The following FTCDNL1 variants were observed in gnomAD, a reference collection of about 807,000 sequenced individuals.
FTCDNL1 encodes formiminotransferase N-terminal subdomain-containing protein.
A neutral mutation model predicts 5.9 loss-of-function variants in FTCDNL1; 11 were observed. That is an observed-to-expected ratio of 1.87 (90% CI 1.18 to 3.10). The LOEUF (loss-of-function observed/expected upper bound fraction) is 3.10, where lower values mean the gene tolerates loss of function less well. Among genes scored for constraint, FTCDNL1 ranks in the 30% most tolerant of loss-of-function variants. The pLI, the probability that FTCDNL1 is intolerant of heterozygous loss-of-function variation, is 0.00. For missense variants in FTCDNL1, 115 were observed against 65.5 expected (o/e 1.76, Z -2.61); for synonymous variants, 58 against 24.8 (o/e 2.34, Z -3.99).
At chr2:199,776,405 C>G (rs984210541) in intron 3 of FTCDNL1, among the ~76,000 whole-genome samples, 1 of 152,224 alleles carries the variant, frequency 6.6e-6, no homozygotes, top group African/African-American at 2.4e-5. Context: ...TACTTTAATG[C>G]ACTCGTGTTG....
chr2:199,747,333 G>A, the FTCDNL1 span, among the ~76,000 whole-genome samples: 4 of 152,066 alleles, frequency 2.6e-5, no homozygotes, highest in African/African-American at 7.2e-5. Flanking sequence ...ATGGATATAC[G>A]TCTATTGCAT....
chr2:199,685,155 A>T, the FTCDNL1 span, among the ~76,000 whole-genome samples: 1 of 151,974 alleles, frequency 6.6e-6, no homozygotes, highest in Admixed American at 6.6e-5. Flanking sequence ...AACATAGAAA[A>T]CCTTTTATTC....
At chr2:199,752,987 G>C in the FTCDNL1 span, among the ~76,000 whole-genome samples, 1 of 152,108 alleles carries the variant, frequency 6.6e-6, no homozygotes, top group African/African-American at 2.4e-5. Context: ...TTGACGATAA[G>C]TGCCACAAGT....
At chr2:199,739,913 A>C in the FTCDNL1 span, among the ~76,000 whole-genome samples, 1 of 152,118 alleles carries the variant, frequency 6.6e-6, no homozygotes, top group Non-Finnish European at 1.5e-5. Flanking sequence ...TGGGCTCTGG[A>C]GGGCCTAGGA....
At chr2:199,784,765 C>T (rs752094292) in intron 3 of FTCDNL1, among the ~76,000 whole-genome samples, 4 of 152,110 alleles carry the variant, frequency 2.6e-5, no homozygotes, top group Non-Finnish European at 5.9e-5. Flanking sequence ...GGCGACTCTC[C>T]GGCTGGGGAC....
chr2:199,751,720 C>A, the FTCDNL1 span, among the ~76,000 whole-genome samples: 7 of 148,976 alleles, frequency 4.7e-5, no homozygotes, highest in African/African-American at 1.7e-4. Flanking sequence ...CTGTTCCTGC[C>A]AGTTTAAGCA....
At chr2:199,796,549 A>G (rs1700179708) in intron 3 of FTCDNL1, among the ~76,000 whole-genome samples, 1 of 152,210 alleles carries the variant, frequency 6.6e-6, no homozygotes, top group Non-Finnish European at 1.5e-5. Context: ...TGTTGAGTGC[A>G]CTTGGTTTTA....
intron 3 of FTCDNL1, among the ~76,000 whole-genome samples, chr2:199,782,566 C>T (rs565597806): frequency 3.3e-5 from 5 of 152,158 alleles, no homozygotes; most frequent in Middle Eastern, 3.2e-3. Flanking sequence ...TACTAACTGG[C>T]AGTTATGTCC....
the FTCDNL1 span, among the ~76,000 whole-genome samples, chr2:199,755,489 T>C: frequency 5.6e-4 from 86 of 152,348 alleles, no homozygotes; most frequent in African/African-American, 2.0e-3. Context: ...ATTTATGTGA[T>C]CTTGGGCAAG....
chr2:199,680,321 T>C, the FTCDNL1 span, among the ~76,000 whole-genome samples: 9 of 152,204 alleles, frequency 5.9e-5, no homozygotes, highest in East Asian at 7.7e-4. Context: ...ATAGAAGAAA[T>C]GATAACAATT....
At chr2:199,848,777 G>C in intron 2 of FTCDNL1, 71 bp downstream of exon 2, 1 of 686,260 alleles carries the variant, frequency 1.5e-6, no homozygotes. Context: ...TAGATACAGT[G>C]TGCACAGTAC....
the FTCDNL1 span, among the ~76,000 whole-genome samples, chr2:199,728,805 C>G: frequency 6.6e-6 from 1 of 152,168 alleles, no homozygotes; most frequent in Admixed American, 6.5e-5. Context: ...ATATTTGAGC[C>G]TAAATCAAAG....
intron 3 of FTCDNL1, among the ~76,000 whole-genome samples, chr2:199,761,154 C>T (rs1050045802): frequency 6.6e-6 from 1 of 152,192 alleles, no homozygotes; most frequent in Non-Finnish European, 1.5e-5. Context: ...GAGTAAGAAG[C>T]CTGCAGGTAT....
At chr2:199,718,686 C>T in the FTCDNL1 span, among the ~76,000 whole-genome samples, 2 of 152,230 alleles carry the variant, frequency 1.3e-5, no homozygotes, top group Non-Finnish European at 1.5e-5. Flanking sequence ...TAAGCATTCC[C>T]TTTACTCTGC....
the FTCDNL1 span, among the ~76,000 whole-genome samples, chr2:199,670,738 G>T: frequency 6.6e-6 from 1 of 152,072 alleles, no homozygotes; most frequent in Non-Finnish European, 1.5e-5. Flanking sequence ...CAGGCAAAGG[G>T]CACAGTTGAA....
chr2:199,709,079 C>T, the FTCDNL1 span, among the ~76,000 whole-genome samples: 17 of 152,118 alleles, frequency 1.1e-4, no homozygotes, highest in South Asian at 8.3e-4. Flanking sequence ...TTTGGAATCC[C>T]GATACTATAC....
chr2:199,754,749 T>G, the FTCDNL1 span, among the ~76,000 whole-genome samples: 6,430 of 152,248 alleles, frequency 0.042, 448 homozygotes, highest in African/African-American at 0.15. Flanking sequence ...CGGAACCTCA[T>G]GACTGCGCCT....
At chr2:199,768,078 G>A (rs542708397) in intron 3 of FTCDNL1, among the ~76,000 whole-genome samples, 77 of 152,294 alleles carry the variant, frequency 5.1e-4, no homozygotes, top group African/African-American at 1.6e-3. Context: ...AATACAGACA[G>A]TGAAGAGTAT....
chr2:199,720,685 C>T, the FTCDNL1 span, among the ~76,000 whole-genome samples: 3 of 152,140 alleles, frequency 2.0e-5, no homozygotes, highest in Non-Finnish European at 4.4e-5. Context: ...GGATTTAGGG[C>T]CCAACATAAT....
Sources: gnomAD v4.1 joint callset for allele counts (sites outside exome capture counted in the v4.1 genomes callset) on GRCh38, gnomAD v4.1.1 for gene constraint, MANE v1.5 for transcripts, NCBI Gene and HGNC (gene_info 2026-07-23, HGNC 2026-07-21) for gene names.